NAA35: variants seen among roughly 807,000 people sequenced by gnomAD.
NAA35 encodes MAK10 homolog, amino-acid N-acetyltransferase subunit.
A neutral mutation model predicts 101.7 loss-of-function variants in NAA35; 18 were observed. That is an observed-to-expected ratio of 0.18 (90% CI 0.12 to 0.26). The LOEUF is 0.26. NAA35 is among the 10% of genes least tolerant of loss of function. NAA35 has a pLI of 1.00. For synonymous variants in NAA35, 267 were observed against 273.1 expected, an observed-to-expected ratio of 0.98 and a Z score of 0.22; for missense variants, 601 against 886.8, an observed-to-expected ratio of 0.68 and a Z score of 4.09.
intron 6 of NAA35, among the ~76,000 whole-genome samples, chr9:85,964,128 CTT>C (rs61142742): frequency 0.096 from 11,835 of 123,834 alleles, 1,602 homozygotes; most frequent in African/African-American, 0.31. Context: ...ACTTCTTAGT[CTT>C]TTTTTTTTTT....
In NAA35 at chr9:85,956,368, T is replaced by A; in HGVS notation, c.133T>A (p.Leu45Met). 7.2e-7 allele frequency: 1 copy of A among 1,392,148 alleles called. No individual in the cohort carries two copies. Among genetic ancestry groups the A allele is most frequent in the Non-Finnish European group, 9.8e-7 (1 of 1,023,500 alleles). The allele number at this position is 1,392,148 out of a possible 1,614,324, so 86.2% of individuals were successfully genotyped here. A position where few individuals can be genotyped will look rare whatever the true frequency, so the allele number is the denominator to read the frequency against. ...DFEEACRELK[L>M]GELLHDKLFG... is the part of the protein sequence containing the mutation. ...TCTCTTTTTTTTTTTAGAATTAAAG[T>A]TGGGAGAACTACTTCATGATAAGCT... The change falls in exon 3 of 23, where the codon TTG becomes ATG. Residue 45 changes from leucine (L) to methionine (M), a missense_variant. Physicochemically the swap from Leu to Met is conservative, Grantham distance 15. This residue lies in a region of NAA35 where 67 missense variants were observed against 62.4 expected (regional missense o/e 1.07). Transcript: ENST00000361671.
At chr9:85,978,637 A>G (rs1257508944) in intron 11 of NAA35, among the ~76,000 whole-genome samples, 2 of 152,096 alleles carry the variant, frequency 1.3e-5, no homozygotes, top group African/African-American at 4.8e-5. Context: ...CTGTGATGTT[A>G]CAGTCTGGCA....
chr9:85,966,770 A>G (rs537885657), intron 6 of NAA35: 7 of 441,958 alleles, frequency 1.6e-5, no homozygotes, highest in South Asian at 1.4e-4. Context: ...AAAAATACTG[A>G]TATCATTTAA....
chr9:86,012,151 A>C (rs535131718), intron 15 of NAA35, among the ~76,000 whole-genome samples: 2 of 147,874 alleles, frequency 1.4e-5, no homozygotes, highest in African/African-American at 5.0e-5. Context: ...ATGAAGTCTC[A>C]CTCTGTTGCC....
At chr9:85,959,897 T>C in intron 5 of NAA35, 30 bp downstream of exon 5, 1 of 1,517,874 alleles carries the variant, frequency 6.6e-7, no homozygotes, top group African/African-American at 1.4e-5. Context: ...TATTGGTTAA[T>C]TTTAAAACTG....
At chr9:85,989,856 T>G (rs958808772) in intron 11 of NAA35, among the ~76,000 whole-genome samples, 1 of 152,214 alleles carries the variant, frequency 6.6e-6, no homozygotes, top group South Asian at 2.1e-4. Flanking sequence ...TAATTTTCTT[T>G]TATATGCAGG....
intron 6 of NAA35, among the ~76,000 whole-genome samples, chr9:85,968,521 T>C (rs1325608882): frequency 6.6e-6 from 1 of 152,206 alleles, no homozygotes; most frequent in Admixed American, 6.5e-5. Flanking sequence ...AAATTTGTTA[T>C]GTGAAAATTT....
At chr9:85,993,840 ACT>A (rs1157559123) in intron 11 of NAA35, among the ~76,000 whole-genome samples, 59 of 151,918 alleles carry the variant, frequency 3.9e-4, no homozygotes, top group Non-Finnish European at 7.4e-5. Flanking sequence ...ATAGGGTCTC[ACT>A]CTGTCACCCA....
In NAA35 at chr9:86,008,080, G is replaced by A. The variant is rs188034924; in HGVS notation, c.1223+616G>A. Among the ~76,000 whole-genome samples, 437 of 152,250 alleles carry A rather than the reference G, an allele frequency of 2.9e-3. 5 individuals are homozygous for A. The South Asian group carries it at 0.033, about 12-fold the overall frequency. On this transcript the variant is annotated intron_variant, in intron 14 of 22. Transcript: ENST00000361671. ...TTTCTGATATTTTTGGATTTTTGAA[G>A]TATTTGCATGTACATAATGTTGCTC...
intron 11 of NAA35, among the ~76,000 whole-genome samples, chr9:85,991,409 A>T (rs1463794403): frequency 1.3e-5 from 2 of 152,090 alleles, no homozygotes; most frequent in Non-Finnish European, 2.9e-5. Flanking sequence ...ATGTTGAAAA[A>T]GGTGTCATTG....
rs1423531419 is a variant in NAA35 at position 86,024,942 on chromosome 9, A to G, written c.*2982A>G. 2.6e-5 allele frequency among the ~76,000 whole-genome samples: 4 copies of G among 152,084 alleles called. No homozygotes were observed. The highest frequency in any genetic ancestry group is 9.7e-5 in the African/African-American group (4 of 41,404). On this transcript the variant is annotated 3_prime_UTR_variant, in exon 23 of 23. Coordinates refer to ENST00000361671, the MANE Select transcript of NAA35 (RefSeq NM_024635.4). ...AAGGGACTGAGATAGGTCCCAAGGAATAGACTTGGGAGGGCCAGGGAATGG... is the reference window on the plus strand; with the variant it reads ...AAGGGACTGAGATAGGTCCCAAGGAGTAGACTTGGGAGGGCCAGGGAATGG...
chr9:85,957,893 G>A (rs375188796), intron 3 of NAA35, among the ~76,000 whole-genome samples: 4 of 151,884 alleles, frequency 2.6e-5, no homozygotes, highest in South Asian at 2.1e-4. Context: ...GTCCTACCCC[G>A]AGAATTCTTT....
intron 11 of NAA35, 101 bp from the exon 12 acceptor site, chr9:85,996,298 T>G (rs1831153790): frequency 1.4e-6 from 1 of 736,358 alleles, no homozygotes; most frequent in Non-Finnish European, 2.2e-6. Context: ...AGAATTTGTT[T>G]GGAAAAGCTT....
chr9:86,021,881 G>GT lies in NAA35; in HGVS notation c.2119-17dup. ...GAATATTTGTAGATACATTAATTGAGTTTCGTTTTTCTTTAACAGGTTCCT... is the reference window on the plus strand; with the variant it reads ...GAATATTTGTAGATACATTAATTGAGTTTTCGTTTTTCTTTAACAGGTTCCT... On this transcript the variant is annotated intron_variant, in intron 22 of 22. Transcript: ENST00000361671. 1 of 1,593,932 alleles carries GT rather than the reference G, an allele frequency of 6.3e-7. No homozygotes were observed. The highest frequency in any genetic ancestry group is 8.6e-7 in the Non-Finnish European group (1 of 1,163,162).
chr9:85,975,267 A>ATT, intron 8 of NAA35, 110 bp downstream of exon 8: 17 of 1,000,434 alleles, frequency 1.7e-5, no homozygotes, highest in South Asian at 9.1e-5. Context: ...TGTGCTTTGT[A>ATT]TTTTTTTTTT....
intron 5 of NAA35, among the ~76,000 whole-genome samples, chr9:85,961,654 A>G (rs971463583): frequency 6.6e-6 from 1 of 152,210 alleles, no homozygotes; most frequent in African/African-American, 2.4e-5. Flanking sequence ...GGTAAGGATT[A>G]TAAAGTTCAA....
chr9:86,020,469 ATATATT>A (rs1386905271), intron 21 of NAA35, among the ~76,000 whole-genome samples: 9 of 152,130 alleles, frequency 5.9e-5, no homozygotes, highest in South Asian at 2.1e-4. Context: ...ATTAAAAGAA[ATATATT>A]TATAATTTTA....
intron 6 of NAA35, among the ~76,000 whole-genome samples, chr9:85,964,413 C>T (rs1187979269): frequency 6.6e-6 from 1 of 152,216 alleles, no homozygotes; most frequent in Non-Finnish European, 1.5e-5. Flanking sequence ...CACTGTCCTG[C>T]AGAACCACAA....
At chr9:85,996,370 A>G (rs1564314692) in intron 11 of NAA35, 29 bp from the exon 12 acceptor site, 1 of 1,514,570 alleles carries the variant, frequency 6.6e-7, no homozygotes, top group East Asian at 2.3e-5. Context: ...AAAAGTTGAA[A>G]AATTTTACTT....
Sources: gnomAD v4.1 joint callset for allele counts (sites outside exome capture counted in the v4.1 genomes callset) on GRCh38, gnomAD v4.1.1 for gene constraint, gnomAD v4.1.1 regional missense constraint, MANE v1.5 for transcripts, NCBI Gene and HGNC (gene_info 2026-07-23, HGNC 2026-07-21) for gene names.